The following GLG1 variants were observed in gnomAD, a reference collection of about 807,000 sequenced individuals.
GLG1 encodes golgi glycoprotein 1.
In GLG1, 38 loss-of-function variants were observed where a neutral mutation model predicts 160.5. That is an observed-to-expected ratio of 0.24 (90% CI 0.18 to 0.31). The LOEUF (loss-of-function observed/expected upper bound fraction) is 0.31, where lower values mean the gene tolerates loss of function less well. GLG1 is among the 10% of genes least tolerant of loss of function. The pLI, the probability that GLG1 is intolerant of heterozygous loss-of-function variation, is 1.00. For synonymous variants in GLG1, 644 were observed against 543.4 expected (o/e 1.19, Z -2.57); for missense variants, 1,373 against 1,505.2 (o/e 0.91, Z 1.45).
In GLG1 at chr16:74,479,034, C is replaced by T. The variant is rs1358351594; in HGVS notation, c.1827+1207G>A. Among the ~76,000 whole-genome samples, 15 of 83,610 alleles carry T rather than the reference C, an allele frequency of 1.8e-4. No homozygotes were observed. The East Asian group carries it at 4.7e-3, about 26-fold the overall frequency. 54.9% of individuals were successfully genotyped at this position (83,610 alleles called of 152,430 possible). A position where few individuals can be genotyped will look rare whatever the true frequency, so the allele number is the denominator to read the frequency against. On this transcript the variant is annotated intron_variant, in intron 11 of 25. Transcript: ENST00000422840. ...CAACCTGGCCAACATGGAGAAACCCCGTCTCTATTAAAAATCCAAAAAAAA... is the reference window on the plus strand; with the variant it reads ...CAACCTGGCCAACATGGAGAAACCCTGTCTCTATTAAAAATCCAAAAAAAA...
chr16:74,589,010 G>A (rs765342680), intron 1 of GLG1, among the ~76,000 whole-genome samples: 8 of 151,738 alleles, frequency 5.3e-5, no homozygotes, highest in Non-Finnish European at 8.8e-5. Flanking sequence ...GGGAGGCTGA[G>A]GGGGGTGGAT....
chr16:74,585,587 A>G (rs1958029358), intron 1 of GLG1, among the ~76,000 whole-genome samples: 1 of 151,952 alleles, frequency 6.6e-6, no homozygotes, highest in African/African-American at 2.4e-5. Context: ...GTGCGCCTGT[A>G]GTCCCAGCTA....
At chr16:74,553,878 C>T (rs1458466886) in intron 1 of GLG1, among the ~76,000 whole-genome samples, 4 of 152,178 alleles carry the variant, frequency 2.6e-5, no homozygotes, top group Admixed American at 2.6e-4. Context: ...GCTGAATTTT[C>T]ACTGCATATC....
intron 1 of GLG1, among the ~76,000 whole-genome samples, chr16:74,557,095 C>T (rs982467286): frequency 5.9e-5 from 9 of 151,994 alleles, no homozygotes; most frequent in Non-Finnish European, 1.5e-5. Flanking sequence ...TCAACAGCAC[C>T]CCTAATTGGT....
intron 10 of GLG1, among the ~76,000 whole-genome samples, chr16:74,482,510 A>C (rs2161731): frequency 2.0e-5 from 3 of 151,996 alleles, no homozygotes; most frequent in African/African-American, 7.3e-5. Flanking sequence ...CTCCTAGTTC[A>C]TCCTCCCACC....
At chr16:74,474,350 T>C (rs2015324402) in intron 13 of GLG1, 196 bp downstream of exon 13, 1 of 573,468 alleles carries the variant, frequency 1.7e-6, no homozygotes, top group Non-Finnish European at 3.1e-6. Context: ...AGTGTTGTTC[T>C]AGAGAAATGA....
chr16:74,460,059 T>C (rs1409233604), intron 22 of GLG1, among the ~76,000 whole-genome samples: 2 of 151,622 alleles, frequency 1.3e-5, no homozygotes, highest in Non-Finnish European at 2.9e-5. Context: ...CTTGCTCTTG[T>C]TGCCCAGGCT....
chr16:74,488,768 T>C (rs2015878449), intron 8 of GLG1, among the ~76,000 whole-genome samples: 1 of 151,988 alleles, frequency 6.6e-6, no homozygotes, highest in South Asian at 2.1e-4. Context: ...TACAGGTGCA[T>C]GCCACCACGC....
chr16:74,509,776 T>C (rs554712913), intron 2 of GLG1, among the ~76,000 whole-genome samples: 1 of 149,712 alleles, frequency 6.7e-6, no homozygotes, highest in African/African-American at 2.5e-5. Flanking sequence ...GTGAACACCG[T>C]AGGCAGAGGT....
intron 1 of GLG1, among the ~76,000 whole-genome samples, chr16:74,584,676 C>T (rs549904558): frequency 1.4e-3 from 219 of 151,940 alleles, no homozygotes; most frequent in African/African-American, 4.8e-3. Context: ...CCCAGCACTT[C>T]GGGAGGCTGA....
At chr16:74,564,085 T>G (rs989896220) in intron 1 of GLG1, among the ~76,000 whole-genome samples, 16 of 152,190 alleles carry the variant, frequency 1.1e-4, no homozygotes, top group African/African-American at 3.6e-4. Context: ...GAGGCCCGGC[T>G]AATTTTTGTA....
At chr16:74,567,181 T>G (rs1221070760) in intron 1 of GLG1, among the ~76,000 whole-genome samples, 19 of 143,636 alleles carry the variant, frequency 1.3e-4, no homozygotes, top group African/African-American at 1.8e-4. Flanking sequence ...GTGTTGTGTG[T>G]GGGGGGTGTA....
chr16:74,505,873 A>C (rs1480549838), intron 3 of GLG1, among the ~76,000 whole-genome samples: 1 of 151,566 alleles, frequency 6.6e-6, no homozygotes, highest in South Asian at 2.1e-4. Flanking sequence ...TAAACAAAAA[A>C]CCCAAAATTA....
intron 1 of GLG1, among the ~76,000 whole-genome samples, chr16:74,591,489 G>A (rs1351851018): frequency 1.3e-5 from 2 of 151,808 alleles, no homozygotes; most frequent in African/African-American, 2.4e-5. Context: ...ATAGCTCTGC[G>A]TGGTGGCGGG....
intron 22 of GLG1, chr16:74,461,761 G>A (rs753070441): frequency 6.0e-5 from 11 of 183,454 alleles, no homozygotes; most frequent in South Asian, 2.8e-4. Context: ...GTGAGCCACC[G>A]TGCCCAGCTG....
chr16:74,454,670 A>C (rs896184003), intron 25 of GLG1, among the ~76,000 whole-genome samples: 1,031 of 61,592 alleles, frequency 0.017, 21 homozygotes, highest in African/African-American at 0.028. Context: ...CGTCCCCAAA[A>C]AAAAAAAAAA....
chr16:74,497,591 C>G (rs1484521491), intron 4 of GLG1, among the ~76,000 whole-genome samples: 1 of 151,930 alleles, frequency 6.6e-6, no homozygotes, highest in African/African-American at 2.4e-5. Context: ...GCGCCCGCCA[C>G]CACGCCCGGC....
chr16:74,557,433 G>A (rs2018383937), intron 1 of GLG1, among the ~76,000 whole-genome samples: 1 of 152,132 alleles, frequency 6.6e-6, no homozygotes, highest in African/African-American at 2.4e-5. Flanking sequence ...TAGGTCTGGG[G>A]AGGGGCCAGA....
At chr16:74,482,894 A>AG (rs2015654285) in intron 10 of GLG1, 129 bp downstream of exon 10, 2 of 660,006 alleles carry the variant, frequency 3.0e-6, no homozygotes, top group African/African-American at 3.7e-5. Context: ...AGGGGATTGG[A>AG]GTGTGTTAGC....
Sources: gnomAD v4.1 joint callset for allele counts (sites outside exome capture counted in the v4.1 genomes callset) on GRCh38, gnomAD v4.1.1 for gene constraint, MANE v1.5 for transcripts, NCBI Gene and HGNC (gene_info 2026-07-23, HGNC 2026-07-21) for gene names.